PTPRD: variants seen among roughly 807,000 people sequenced by gnomAD.
PTPRD encodes the protein protein tyrosine phosphatase receptor type D.
Under a neutral mutation model 214.5 loss-of-function variants are expected in PTPRD, and 34 were observed. The ratio of observed to expected loss-of-function variants is 0.16; its 90% CI spans 0.12 to 0.21. PTPRD has a LOEUF of 0.21. PTPRD is among the 10% of genes least tolerant of loss of function. The pLI is 1.00. For synonymous variants in PTPRD, 1,128 were observed against 845.7 expected (o/e 1.33, Z -5.79); for missense variants, 2,545 against 2,398.7 (o/e 1.06, Z -1.27).
intron 3 of PTPRD, among the ~76,000 whole-genome samples, chr9:10,132,330 A>G (rs2098898371): frequency 6.6e-6 from 1 of 152,160 alleles, no homozygotes; most frequent in Admixed American, 6.6e-5. Context: ...AGGCAAATAG[A>G]TTCTCAGACA....
At chr9:8,408,363 C>T (rs2093217475) in intron 35 of PTPRD, among the ~76,000 whole-genome samples, 2 of 152,066 alleles carry the variant, frequency 1.3e-5, no homozygotes, top group Admixed American at 1.3e-4. Flanking sequence ...TTTTCCTGAG[C>T]TTGACTCCTA....
intron 2 of PTPRD, among the ~76,000 whole-genome samples, chr9:10,541,191 C>A (rs2059027291): frequency 6.6e-6 from 1 of 152,084 alleles, no homozygotes; most frequent in South Asian, 2.1e-4. Flanking sequence ...AAAATGTATT[C>A]ATTCTTTAAA....
chr9:9,874,773 G>A (rs1398546795), intron 5 of PTPRD, among the ~76,000 whole-genome samples: 5 of 152,108 alleles, frequency 3.3e-5, no homozygotes, highest in African/African-American at 2.4e-5. Context: ...ATGTACTTGT[G>A]AAATTCCTGT....
chr9:8,378,850 T>C (rs1393786106), intron 37 of PTPRD, among the ~76,000 whole-genome samples: 4 of 152,222 alleles, frequency 2.6e-5, no homozygotes, highest in Admixed American at 6.6e-5. Flanking sequence ...GCAACCTTCA[T>C]ACAACTTTTG....
intron 11 of PTPRD, among the ~76,000 whole-genome samples, chr9:8,869,732 G>GA (rs201895275): frequency 0.07 from 9,470 of 135,950 alleles, 521 homozygotes; most frequent in African/African-American, 0.16. Flanking sequence ...TTCTTAAAAG[G>GA]AAAAAAAAAA....
chr9:10,007,316 A>G (rs969790716), intron 4 of PTPRD, among the ~76,000 whole-genome samples: 2 of 152,070 alleles, frequency 1.3e-5, no homozygotes, highest in African/African-American at 4.8e-5. Context: ...GAGTTTTAAA[A>G]TTCATTAAAA....
intron 37 of PTPRD, among the ~76,000 whole-genome samples, chr9:8,378,529 T>A (rs754751105): frequency 7.2e-5 from 11 of 152,112 alleles, no homozygotes; most frequent in Non-Finnish European, 5.9e-5. Flanking sequence ...TCTGGAGGCC[T>A]CATATTGTAA....
At chr9:9,464,170 T>C (rs1204606139) in intron 8 of PTPRD, among the ~76,000 whole-genome samples, 1 of 152,190 alleles carries the variant, frequency 6.6e-6, no homozygotes, top group Non-Finnish European at 1.5e-5. Flanking sequence ...TCTAGATGAT[T>C]TGCTTTCTCT....
At chr9:10,437,455 A>C (rs984487741) in intron 2 of PTPRD, among the ~76,000 whole-genome samples, 2 of 151,838 alleles carry the variant, frequency 1.3e-5, no homozygotes, top group Non-Finnish European at 2.9e-5. Flanking sequence ...ATGTAGCACA[A>C]AATTAGCACA....
chr9:10,606,560 C>A (rs573571251), intron 2 of PTPRD, among the ~76,000 whole-genome samples: 11 of 146,450 alleles, frequency 7.5e-5, no homozygotes, highest in Non-Finnish European at 7.5e-5. Flanking sequence ...TTTCTGTGCT[C>A]TAAATTAACC....
At chr9:10,183,649 A>C (rs147978863) in intron 3 of PTPRD, among the ~76,000 whole-genome samples, 15 of 152,270 alleles carry the variant, frequency 9.9e-5, no homozygotes, top group African/African-American at 3.6e-4. Flanking sequence ...CTAAGGCTGG[A>C]ATTTAAAAAG....
chr9:8,390,721 G>C (rs1208870503), intron 36 of PTPRD, among the ~76,000 whole-genome samples: 1 of 152,110 alleles, frequency 6.6e-6, no homozygotes, highest in Non-Finnish European at 1.5e-5. Context: ...CTTTAAGAGA[G>C]ACAGAGGCAA....
intron 35 of PTPRD, among the ~76,000 whole-genome samples, chr9:8,411,316 TA>T (rs2093499600): frequency 6.6e-6 from 1 of 152,170 alleles, no homozygotes; most frequent in Admixed American, 6.5e-5. Context: ...TTTTTATTTT[TA>T]TTTTTTTTGT....
intron 7 of PTPRD, among the ~76,000 whole-genome samples, chr9:9,698,585 G>C (rs746931279): frequency 3.2e-4 from 49 of 152,124 alleles, no homozygotes; most frequent in South Asian, 2.1e-4. Flanking sequence ...AAGTTTTCTG[G>C]TCTGGTAATG....
chr9:9,107,231 T>A (rs1463263699), intron 10 of PTPRD, among the ~76,000 whole-genome samples: 2 of 152,172 alleles, frequency 1.3e-5, no homozygotes, highest in African/African-American at 4.8e-5. Flanking sequence ...AATAATCTAG[T>A]ATACACCCAT....
At chr9:8,764,963 T>C (rs1329480295) in intron 11 of PTPRD, among the ~76,000 whole-genome samples, 2 of 152,090 alleles carry the variant, frequency 1.3e-5, no homozygotes, top group Non-Finnish European at 2.9e-5. Context: ...GGTCCCAATA[T>C]TATCTCCTGT....
At chr9:10,016,394 T>TAGATAGATAGAC (rs1555471423) in intron 4 of PTPRD, among the ~76,000 whole-genome samples, 1 of 24,580 alleles carries the variant, frequency 4.1e-5, no homozygotes, top group Non-Finnish European at 1.4e-4. Context: ...GATAGATAGA[T>TAGATAGATAGAC]AGACAGATAG....
At chr9:9,069,484 T>C (rs2099740578) in intron 10 of PTPRD, among the ~76,000 whole-genome samples, 1 of 152,212 alleles carries the variant, frequency 6.6e-6, no homozygotes, top group Non-Finnish European at 1.5e-5. Flanking sequence ...CTTAAAGCAT[T>C]ACTGACAGAA....
At chr9:10,491,188 A>G (rs1158340346) in intron 2 of PTPRD, among the ~76,000 whole-genome samples, 2 of 152,164 alleles carry the variant, frequency 1.3e-5, no homozygotes, top group Non-Finnish European at 2.9e-5. Context: ...ATCACAAATG[A>G]ATGTTAAAGG....
Sources: allele counts gnomAD v4.1 joint callset (sites outside exome capture counted in the v4.1 genomes callset), GRCh38; gene constraint gnomAD v4.1.1; transcripts MANE v1.5; gene names NCBI Gene and HGNC (gene_info 2026-07-23, HGNC 2026-07-21).